Variants in BSN observed in about 807,000 individuals in gnomAD.
BSN encodes bassoon presynaptic cytomatrix protein.
BSN carries 57 observed loss-of-function variants against 264.8 expected under a neutral mutation model. The ratio of observed to expected loss-of-function variants is 0.22; its 90% CI spans 0.17 to 0.27. BSN has a LOEUF of 0.27. Ranked by LOEUF, BSN falls within the 10% of genes least tolerant of loss-of-function variation. The pLI, the probability that BSN is intolerant of heterozygous loss-of-function variation, is 1.00. For missense variants in BSN, 4,615 were observed against 5,232.5 expected (o/e 0.88, Z 3.64); for synonymous variants, 2,059 against 2,137.3 (o/e 0.96, Z 1.01).
At chr3:49,622,079 G>A (rs1408796021) in intron 1 of BSN, among the ~76,000 whole-genome samples, 2 of 152,102 alleles carry the variant, frequency 1.3e-5, no homozygotes, top group African/African-American at 2.4e-5. Flanking sequence ...GGATAGGGGA[G>A]AATTTGTGAA....
rs773029141 is a variant in BSN, at chr3:49,654,708, C to T, written c.5152C>T (p.Leu1718Phe). The change falls in exon 5 of 12, where the codon CTC (leucine) becomes TTC (phenylalanine). Residue 1718 changes from leucine (L) to phenylalanine (F), a missense_variant. Coordinates refer to ENST00000296452, the MANE Select transcript of BSN (RefSeq NM_003458.4). This position sits in a 1 kb window ranked among gnomAD's most constrained non-coding sequence, Gnocchi z 4.1. The part of the protein sequence containing the change: ...STAVQPLVIN[L>F]NAQEHTFLAT... ...CGCCGTGCAGCCCTTGGTTATCAAC[C>T]TCAATGCCCAGGAGCATACCTTCCT... 2.5e-6 allele frequency: 4 copies of T among 1,613,760 alleles called. No individual in the cohort carries two copies. The highest frequency in any genetic ancestry group is 4.5e-5 in the East Asian group (2 of 44,884).
Position 49,566,600 on chromosome 3 carries a change from C to T in BSN, c.224+11774C>T, listed in dbSNP as rs142809295. Among the ~76,000 whole-genome samples the T allele has an allele frequency of 3.8e-3, 577 of 151,940 alleles. 4 individuals carry two copies. The highest frequency in any genetic ancestry group is 0.013 in the African/African-American group (547 of 41,440). On this transcript the variant is annotated intron_variant, in intron 1 of 11. Transcript: ENST00000296452. ...AGGAGTTTGAGACTAGCCTGGACAA[C>T]GTAGTGAGACCCCATCTCTACAAAA... is the stretch of plus-strand genomic sequence containing the variant.
Position 49,655,847 on chromosome 3 carries a change from A to T in BSN, c.6291A>T (p.Glu2097Asp), listed in dbSNP as rs372760998. Residue 2097 changes from glutamate to aspartate, a missense_variant, in exon 5 of 12, where the codon GAA becomes GAT. Transcript: ENST00000296452. The stretch of plus-strand genomic sequence containing the variant: ...AGTACAGTGCCACCACAGCCCGTGA[A>T]ATCAGTCGCATGTGCGCTGCCCTCA... The part of the protein sequence containing the change: ...LAQYSATTAR[E>D]ISRMCAALNS... The T allele has an allele frequency of 4.8e-5, 77 of 1,613,222 alleles. No homozygotes were observed. Among genetic ancestry groups the T allele is most frequent in the Non-Finnish European group, 5.9e-5 (70 of 1,180,024 alleles).
chr3:49,668,256 AT>A lies in BSN; in HGVS notation c.*772del, dbSNP rs1405292367. On this transcript the variant is annotated 3_prime_UTR_variant, in exon 12 of 12. Transcript: ENST00000296452. ...AGCACACTGCCACCATCTCAAAGCC[AT>A]CCCCCTAGCCATCGTGAGCATCCCA... The A allele has an allele frequency of 1.3e-5, 2 of 152,162 alleles. No individual in the cohort carries two copies. The highest frequency in any genetic ancestry group is 2.4e-5 in the African/African-American group (1 of 41,282). The allele number at this position is 152,162 out of a possible 1,614,324, so 9.4% of individuals were successfully genotyped here.
chr3:49,561,825 TG>T (rs543935907), intron 1 of BSN, among the ~76,000 whole-genome samples: 95 of 152,238 alleles, frequency 6.2e-4, no homozygotes, highest in Admixed American at 1.5e-3. Context: ...CTTTTTTTTT[TG>T]AGACAAAGTC....
At chr3:49,569,692 CT>C (rs1198707621) in intron 1 of BSN, among the ~76,000 whole-genome samples, 1 of 152,174 alleles carries the variant, frequency 6.6e-6, no homozygotes, top group Non-Finnish European at 1.5e-5. Flanking sequence ...GGGCAGTTCA[CT>C]TGAAAGGCCT....
intron 1 of BSN, among the ~76,000 whole-genome samples, chr3:49,600,668 G>GT (rs2108032336): frequency 6.6e-6 from 1 of 152,254 alleles, no homozygotes; most frequent in South Asian, 2.1e-4. Flanking sequence ...GTCGGTTGTG[G>GT]TGAAGCGTGC....
chr3:49,622,518 A>G (rs1269937980), intron 1 of BSN, among the ~76,000 whole-genome samples: 1 of 152,188 alleles, frequency 6.6e-6, no homozygotes, highest in East Asian at 1.9e-4. Flanking sequence ...TTAAAAAGTC[A>G]CTGTATATAT....
rs780837178 is a variant in BSN at position 49,653,051 on chromosome 3, C to T, written c.3495C>T (p.Thr1165=). Residue 1165 remains threonine, a synonymous_variant, in exon 5 of 12, where the codon ACC becomes ACT. Transcript: ENST00000296452. This position sits in a 1 kb window ranked among gnomAD's most constrained non-coding sequence, Gnocchi z 6.3. The stretch of plus-strand genomic sequence containing the variant: ...CCTTCATGTCCCTCTACTCACCAAC[C>T]GAGACACCCTCCGGCAGCTCCACCA... ...LPTFMSLYSP[T]ETPSGSSTTP... is the part of the protein sequence containing the mutation. 20 of 1,613,440 alleles carry T rather than the reference C, an allele frequency of 1.2e-5. No individual in the cohort carries two copies. The highest frequency in any genetic ancestry group is 1.2e-4 in the Admixed American group (7 of 60,006).
intron 1 of BSN, among the ~76,000 whole-genome samples, chr3:49,589,840 C>G (rs1174657164): frequency 1.5e-5 from 2 of 130,928 alleles, no homozygotes; most frequent in Non-Finnish European, 3.2e-5. Context: ...CTTTCTTTTT[C>G]TTTGTTTTTT....
intron 1 of BSN, among the ~76,000 whole-genome samples, chr3:49,612,440 A>G (rs62262671): frequency 0.089 from 13,573 of 152,266 alleles, 834 homozygotes; most frequent in Middle Eastern, 0.14. Flanking sequence ...TGGCCAAATA[A>G]TGATTTTTCA....
intron 1 of BSN, among the ~76,000 whole-genome samples, chr3:49,605,149 A>T (rs1254329257): frequency 6.8e-6 from 1 of 146,746 alleles, no homozygotes; most frequent in Non-Finnish European, 1.5e-5. Context: ...AATCATAGCT[A>T]CTTGGGAGGC....
chr3:49,590,148 T>C (rs1239681400), intron 1 of BSN, among the ~76,000 whole-genome samples: 1 of 152,224 alleles, frequency 6.6e-6, no homozygotes, highest in Non-Finnish European at 1.5e-5. Context: ...ATCTTCATTT[T>C]CAATAACATT....
Position 49,656,754 on chromosome 3 carries a change from G to A in BSN, c.7198G>A (p.Glu2400Lys). The change falls in exon 5 of 12, where the codon GAG becomes AAG. Residue 2400 changes from glutamate (E) to lysine (K), a missense_variant. By Grantham distance (56) the Glu-to-Lys change is moderately conservative (BLOSUM62 1). Around this residue, in one of 3 missense-constraint regions of BSN, gnomAD observed 3,415 missense variants for 3,866.4 expected, o/e 0.88. Transcript: ENST00000296452. ...LQEELERERV[E>K]LQRHREEEQL... The stretch of plus-strand genomic sequence containing the variant: ...AGAGGAGCTAGAGCGGGAACGTGTG[G>A]AGCTGCAGAGGCACCGTGAGGAGGA... 6.3e-7 allele frequency: 1 copy of A among 1,578,286 alleles called. No homozygotes were observed. The highest frequency in any genetic ancestry group is 8.6e-7 in the Non-Finnish European group (1 of 1,161,876).
At chr3:49,611,888 T>C (rs1575437499) in intron 1 of BSN, among the ~76,000 whole-genome samples, 1 of 152,344 alleles carries the variant, frequency 6.6e-6, no homozygotes, top group Non-Finnish European at 1.5e-5. Flanking sequence ...GTAGTGACTC[T>C]GGCCTGGCCA....
chr3:49,663,229 A>G lies in BSN; in HGVS notation c.11071A>G (p.Met3691Val), dbSNP rs765140781. The stretch of plus-strand genomic sequence containing the variant: ...CTCTCAGCCCAGCTCTGCTCCAGCT[A>G]TGCCGAAGAAGGGTCAGCCTGGGTA... ...PHSQPSSAPA[M>V]PKKGQPGYPS... The change falls in exon 7 of 12, where the codon ATG (methionine) becomes GTG (valine). Residue 3691 changes from methionine (M) to valine (V), a missense_variant. Physicochemically the swap from Met to Val is conservative, Grantham distance 21 (BLOSUM62 1). Around this residue, in one of 3 missense-constraint regions of BSN, gnomAD observed 3,415 missense variants for 3,866.4 expected, o/e 0.88. Coordinates refer to ENST00000296452, the MANE Select transcript of BSN (RefSeq NM_003458.4). 1.9e-6 allele frequency: 3 copies of G among 1,614,098 alleles called. No homozygotes were observed. The highest frequency in any genetic ancestry group is 3.3e-5 in the Admixed American group (2 of 60,020).
rs200530619 is a variant in BSN, at chr3:49,661,299, G to A, written c.9454G>A (p.Asp3152Asn). 74 of 1,613,890 alleles carry A rather than the reference G, an allele frequency of 4.6e-5. No individual in the cohort carries two copies. In the African/African-American group the frequency reaches 8.0e-4, roughly 17 times the overall value. Residue 3152 changes from aspartate (D) to asparagine (N), a missense_variant, in exon 6 of 12, where the codon GAC becomes AAC. Transcript: ENST00000296452. Reference protein sequence around the residue: ...LQKPRQTSLADLEQKVPTNYE... With the variant: ...LQKPRQTSLANLEQKVPTNYE... ...GAAGCCACGCCAGACATCGCTAGCC[G>A]ACTTGGAGCAGAAGGTGCCCACCAA...
chr3:49,588,666 T>G (rs1259610717), intron 1 of BSN, among the ~76,000 whole-genome samples: 2 of 152,226 alleles, frequency 1.3e-5, no homozygotes, highest in Admixed American at 1.3e-4. Context: ...AAATTTCTTT[T>G]GTGATTTCTT....
intron 1 of BSN, among the ~76,000 whole-genome samples, chr3:49,570,087 GAAGCC>G (rs1203614556): frequency 6.6e-6 from 1 of 152,174 alleles, no homozygotes; most frequent in Non-Finnish European, 1.5e-5. Context: ...AGCTGGCTCG[GAAGCC>G]AACAGACTGG....
Sources: gnomAD v4.1 joint callset for allele counts (sites outside exome capture counted in the v4.1 genomes callset) on GRCh38, gnomAD v4.1.1 for gene constraint, gnomAD v4.1.1 regional missense constraint, Gnocchi (gnomAD v3.1) non-coding constraint, MANE v1.5 for transcripts, NCBI Gene and HGNC (gene_info 2026-07-23, HGNC 2026-07-21) for gene names.